Variants in SELP observed in about 807,000 individuals in gnomAD.
The protein encoded by SELP is P-selectin.
Under a neutral mutation model 104.1 loss-of-function variants are expected in SELP, and 92 were observed. The observed-to-expected ratio is 0.88, with a 90% CI of 0.75 to 1.05. The LOEUF (loss-of-function observed/expected upper bound fraction) is 1.05. Among genes scored for constraint, SELP ranks in the 50% least tolerant of loss-of-function variants. The pLI, the probability that SELP is intolerant of heterozygous loss-of-function variation, is 0.00. For missense variants in SELP, 1,022 were observed against 1,017.3 expected (o/e 1.00, Z -0.06); for synonymous variants, 397 against 364.5 (o/e 1.09, Z -1.01).
chr1:169,620,795 T>C (rs1161367445), intron 1 of SELP, among the ~76,000 whole-genome samples: 2 of 110,832 alleles, frequency 1.8e-5, no homozygotes, highest in Admixed American at 1.8e-4. Flanking sequence ...CGGTGTGGGG[T>C]TGTGTGTGTG....
chr1:169,591,489 TAA>T (rs35706397), intron 14 of SELP, 33 bp from the exon 15 acceptor site: 94 of 1,244,204 alleles, frequency 7.6e-5, no homozygotes, highest in Admixed American at 1.0e-4. Flanking sequence ...AATGAATGAT[TAA>T]AAAAAAAAAA....
At chr1:169,627,358 C>G (rs1663423648) in intron 1 of SELP, among the ~76,000 whole-genome samples, 1 of 152,266 alleles carries the variant, frequency 6.6e-6, no homozygotes, top group African/African-American at 2.4e-5. Flanking sequence ...CCCAGGACAT[C>G]AACACTTAGA....
chr1:169,612,437 T>C, intron 5 of SELP, 35 bp from the exon 6 acceptor site: 2 of 1,604,250 alleles, frequency 1.2e-6, no homozygotes, highest in Admixed American at 1.7e-5. Flanking sequence ...TGTGAGTCCT[T>C]GGACAAATTT....
chr1:169,624,209 C>G (rs1020535178), intron 1 of SELP, among the ~76,000 whole-genome samples: 1 of 152,170 alleles, frequency 6.6e-6, no homozygotes, highest in Non-Finnish European at 1.5e-5. Context: ...CTTCTCATAC[C>G]TGCTCCTACT....
intron 11 of SELP, 113 bp from the exon 12 acceptor site, chr1:169,596,247 C>T: frequency 2.3e-6 from 2 of 873,086 alleles, no homozygotes; most frequent in Non-Finnish European, 3.6e-6. Flanking sequence ...AAGGGAGGCT[C>T]CTGCAAGAGC....
Position 169,600,028 on chromosome 1 carries a change from C to T in SELP, c.1706-2852G>A, listed in dbSNP as rs117900163. Among the ~76,000 whole-genome samples, 5 of 152,240 alleles carry T rather than the reference C, an allele frequency of 3.3e-5. No individual in the cohort carries two copies. The East Asian group carries it at 5.8e-4, about 18-fold the overall frequency. On this transcript the variant is annotated intron_variant, in intron 10 of 16. Transcript: ENST00000263686. Reference sequence around the variant, plus strand: ...CCAACAGGCAGGGACAGGAGGGATACGGAAACTGTGTACAAGCACTCCATC... The same window carrying T: ...CCAACAGGCAGGGACAGGAGGGATATGGAAACTGTGTACAAGCACTCCATC...
chr1:169,590,087 A>C, intron 16 of SELP, 60 bp downstream of exon 16: 2 of 1,137,346 alleles, frequency 1.8e-6, no homozygotes, highest in Non-Finnish European at 2.6e-6. Context: ...TAAGCTTTAT[A>C]GTCTTCCATT....
intron 1 of SELP, among the ~76,000 whole-genome samples, chr1:169,626,927 T>G (rs1466973189): frequency 1.3e-5 from 2 of 152,160 alleles, no homozygotes; most frequent in Non-Finnish European, 2.9e-5. Flanking sequence ...GCTCAAGCAA[T>G]ACTTTTTCTT....
intron 15 of SELP, among the ~76,000 whole-genome samples, 165 bp from the exon 16 acceptor site, chr1:169,590,367 T>TAA (rs1661295660): frequency 6.6e-6 from 1 of 152,226 alleles, no homozygotes; most frequent in African/African-American, 2.4e-5. Flanking sequence ...ATATCCCACT[T>TAA]ACCAGCTCTG....
In SELP at chr1:169,590,198, G is replaced by A. The variant is rs555055238; in HGVS notation, c.2443C>T (p.Leu815=). 1.2e-4 allele frequency: 194 copies of A among 1,612,332 alleles called. 3 individuals are homozygous for A. The South Asian group carries it at 2.0e-3, about 17-fold the overall frequency. The change falls in exon 16 of 17, where the codon CTA becomes TTA. Residue 815 remains leucine (L), a synonymous_variant. Coordinates refer to ENST00000263686, the MANE Select transcript of SELP (RefSeq NM_003005.4). The stretch of plus-strand genomic sequence containing the variant: ...TTTGTAAAAACTCCATATGTTCCTA[G>A]GTGGCTAAAGAACAGAAACACAAGG... ...GKCPLNPHSH[L]GTYGVFTNAA...
chr1:169,597,233 T>TA, intron 10 of SELP, 57 bp from the exon 11 acceptor site: 1 of 1,434,784 alleles, frequency 7.0e-7, no homozygotes, highest in Middle Eastern at 2.3e-4. Flanking sequence ...AGTTCTGTGT[T>TA]ACACAAAGTT....
intron 10 of SELP, among the ~76,000 whole-genome samples, chr1:169,599,198 G>T (rs1476332771): frequency 2.6e-5 from 4 of 152,150 alleles, no homozygotes; most frequent in Non-Finnish European, 5.9e-5. Context: ...CATATGGTGG[G>T]CACTCAGCAA....
rs547598098 is a variant in SELP at position 169,617,489 on chromosome 1, G to A, written c.95-75C>T. ...AGGCCGTGATCCCAAGTATGCTTCT[G>A]CATACTCAGATGAATTTCCGACCAG... is the stretch of plus-strand genomic sequence containing the variant. On this transcript the variant is annotated intron_variant, in intron 2 of 16. Coordinates refer to ENST00000263686, the MANE Select transcript of SELP (RefSeq NM_003005.4). The A allele has an allele frequency of 1.4e-5, 20 of 1,445,292 alleles. No homozygotes were observed. In the African/African-American group the frequency reaches 2.0e-4, roughly 14 times the overall value. The allele number at this position is 1,445,292 out of a possible 1,614,324, so 89.5% of individuals were successfully genotyped here.
chr1:169,592,695 A>T (rs1490470759), intron 14 of SELP, among the ~76,000 whole-genome samples: 1 of 152,092 alleles, frequency 6.6e-6, no homozygotes, highest in Non-Finnish European at 1.5e-5. Context: ...CCTTACAGAG[A>T]GTTTTCATCT....
intron 9 of SELP, among the ~76,000 whole-genome samples, 183 bp downstream of exon 9, chr1:169,606,766 A>C (rs1662222518): frequency 6.6e-6 from 1 of 152,162 alleles, no homozygotes; most frequent in South Asian, 2.1e-4. Context: ...TAATCTGCCT[A>C]TCCCCCGGAG....
chr1:169,604,639 G>T (rs570583790), intron 9 of SELP, among the ~76,000 whole-genome samples: 7 of 152,094 alleles, frequency 4.6e-5, no homozygotes, highest in African/African-American at 1.7e-4. Flanking sequence ...CTTTCAATCT[G>T]ATCAACTTGT....
At chr1:169,599,495 T>C (rs1240464169) in intron 10 of SELP, among the ~76,000 whole-genome samples, 1 of 152,200 alleles carries the variant, frequency 6.6e-6, no homozygotes, top group East Asian at 1.9e-4. Flanking sequence ...TGTTCTTCTA[T>C]AGTCCATCAA....
Position 169,609,011 on chromosome 1 carries a change from C to T in SELP, c.1333+493G>A, listed in dbSNP as rs3917870. ...GGTAACATGTCATCATCATCATTTT[C>T]CCTATAAATCCTATAAGAGTTTTAA... On this transcript the variant is annotated intron_variant, in intron 8 of 16. Coordinates refer to ENST00000263686, the MANE Select transcript of SELP (RefSeq NM_003005.4). 9.7e-3 allele frequency among the ~76,000 whole-genome samples: 1,477 copies of T among 152,224 alleles called. 9 individuals carry two copies. The highest frequency in any genetic ancestry group is 0.016 in the Non-Finnish European group (1,107 of 68,020).
At chr1:169,591,507 T>C in intron 14 of SELP, 51 bp from the exon 15 acceptor site, 1 of 1,250,342 alleles carries the variant, frequency 8.0e-7, no homozygotes, top group South Asian at 1.4e-5. Flanking sequence ...AAAAACAAGA[T>C]GAAAGAGAGG....
Sources: gnomAD v4.1 joint callset for allele counts (sites outside exome capture counted in the v4.1 genomes callset) on GRCh38, gnomAD v4.1.1 for gene constraint, MANE v1.5 for transcripts, NCBI Gene and HGNC (gene_info 2026-07-23, HGNC 2026-07-21) for gene names.